Variants in LRMDA observed in about 807,000 individuals in gnomAD.
LRMDA encodes leucine rich melanocyte differentiation associated.
Under a neutral mutation model 29.8 loss-of-function variants are expected in LRMDA, and 18 were observed. The observed-to-expected ratio is 0.60, with a 90% confidence interval of 0.42 to 0.90. The LOEUF (loss-of-function observed/expected upper bound fraction) is 0.90. Ranked by LOEUF, LRMDA falls within the 40% of genes least tolerant of loss-of-function variation. The pLI, the probability that LRMDA is intolerant of heterozygous loss-of-function variation, is 0.00. For missense variants in LRMDA, 273 were observed against 273.9 expected (o/e 1.00, Z 0.02); for synonymous variants, 125 against 109.4 (o/e 1.14, Z -0.89).
chr10:76,313,289 C>T (rs956473967), intron 5 of LRMDA, among the ~76,000 whole-genome samples: 2 of 152,082 alleles, frequency 1.3e-5, no homozygotes, highest in Non-Finnish European at 2.9e-5. Flanking sequence ...ACGCAGTTCT[C>T]GACACAAAGT....
intron 5 of LRMDA, among the ~76,000 whole-genome samples, chr10:76,257,974 G>C (rs889784988): frequency 6.6e-6 from 1 of 152,176 alleles, no homozygotes; most frequent in African/African-American, 2.4e-5. Flanking sequence ...TCCCTTAACA[G>C]GAGAAGGAAA....
intron 2 of LRMDA, among the ~76,000 whole-genome samples, chr10:75,795,239 C>T (rs1298823994): frequency 6.6e-6 from 1 of 151,930 alleles, no homozygotes; most frequent in African/African-American, 2.4e-5. Flanking sequence ...ACTAAAAATA[C>T]AAAAATTAGC....
intron 2 of LRMDA, among the ~76,000 whole-genome samples, chr10:75,598,197 C>CTTTT (rs1443642284): frequency 7.9e-5 from 12 of 152,124 alleles, no homozygotes; most frequent in Non-Finnish European, 1.8e-4. Flanking sequence ...TTAGCAGCAT[C>CTTTT]CTGTTCATGT....
At chr10:76,512,263 A>G (rs1266712482) in intron 6 of LRMDA, among the ~76,000 whole-genome samples, 1 of 152,166 alleles carries the variant, frequency 6.6e-6, no homozygotes, top group East Asian at 1.9e-4. Flanking sequence ...TTTTCTTCCC[A>G]GTATCGGGTA....
chr10:76,006,212 C>A (rs758395450), intron 2 of LRMDA, among the ~76,000 whole-genome samples: 10 of 152,118 alleles, frequency 6.6e-5, no homozygotes, highest in African/African-American at 2.4e-4. Flanking sequence ...TAATATAGGG[C>A]AGGTTATGGT....
intron 6 of LRMDA, among the ~76,000 whole-genome samples, chr10:76,398,757 T>C (rs1487599936): frequency 6.6e-6 from 1 of 152,226 alleles, no homozygotes; most frequent in Non-Finnish European, 1.5e-5. Flanking sequence ...AGATAACAAC[T>C]GGGAAGCCAG....
intron 5 of LRMDA, among the ~76,000 whole-genome samples, chr10:76,276,306 A>AT (rs112066155): frequency 2.3e-4 from 34 of 147,152 alleles, no homozygotes; most frequent in South Asian, 8.7e-4. Context: ...TGTCCAGCTA[A>AT]TTTTTTTTTT....
chr10:76,363,551 A>G (rs1841355295), intron 6 of LRMDA, among the ~76,000 whole-genome samples: 1 of 152,126 alleles, frequency 6.6e-6, no homozygotes, highest in African/African-American at 2.4e-5. Flanking sequence ...GTTTAACTGG[A>G]GCATAGGATG....
At chr10:75,718,067 T>A (rs918479825) in intron 2 of LRMDA, among the ~76,000 whole-genome samples, 1 of 152,256 alleles carries the variant, frequency 6.6e-6, no homozygotes, top group Non-Finnish European at 1.5e-5. Flanking sequence ...CCTGTATAAA[T>A]GGATACTGAT....
chr10:75,984,022 C>T (rs141717313), intron 2 of LRMDA, among the ~76,000 whole-genome samples: 1,801 of 152,198 alleles, frequency 0.012, 31 homozygotes, highest in African/African-American at 0.041. Flanking sequence ...TGCAGGGAGC[C>T]GGCCAGGCAG....
At chr10:76,106,597 A>G (rs1195055689) in intron 5 of LRMDA, among the ~76,000 whole-genome samples, 1 of 152,150 alleles carries the variant, frequency 6.6e-6, no homozygotes, top group Non-Finnish European at 1.5e-5. Flanking sequence ...TGTATACCTG[A>G]CAGGGGTTAT....
At chr10:76,445,752 A>T (rs2132295500) in intron 6 of LRMDA, among the ~76,000 whole-genome samples, 1 of 152,342 alleles carries the variant, frequency 6.6e-6, no homozygotes, top group South Asian at 2.1e-4. Context: ...CCAAAAAAAT[A>T]GACTAGTGAC....
At chr10:76,321,060 A>G (rs1840764799) in intron 5 of LRMDA, among the ~76,000 whole-genome samples, 2 of 152,226 alleles carry the variant, frequency 1.3e-5, no homozygotes, top group Admixed American at 1.3e-4. Context: ...TCTTACTGAT[A>G]TACAACATTA....
intron 2 of LRMDA, among the ~76,000 whole-genome samples, chr10:75,822,098 A>G (rs1373957568): frequency 6.6e-6 from 1 of 152,184 alleles, no homozygotes; most frequent in Non-Finnish European, 1.5e-5. Flanking sequence ...CCTCCTAGAA[A>G]AGACTCCTAG....
At chr10:75,619,190 A>T (rs1841149166) in intron 2 of LRMDA, among the ~76,000 whole-genome samples, 1 of 152,080 alleles carries the variant, frequency 6.6e-6, no homozygotes, top group Admixed American at 6.5e-5. Flanking sequence ...AAGGAGGAGG[A>T]AGAGGAGGTC....
At chr10:75,682,485 A>G (rs1465572910) in intron 2 of LRMDA, among the ~76,000 whole-genome samples, 3 of 151,988 alleles carry the variant, frequency 2.0e-5, no homozygotes, top group Non-Finnish European at 2.9e-5. Flanking sequence ...ACCAATATAT[A>G]CACATATCTG....
chr10:75,659,718 A>G (rs1018113296), intron 2 of LRMDA, among the ~76,000 whole-genome samples: 1 of 152,224 alleles, frequency 6.6e-6, no homozygotes, highest in Non-Finnish European at 1.5e-5. Context: ...GATCTAATAT[A>G]CAGCATGGTG....
chr10:75,616,968 A>C (rs186930414), intron 2 of LRMDA, among the ~76,000 whole-genome samples: 2 of 152,336 alleles, frequency 1.3e-5, no homozygotes, highest in East Asian at 3.9e-4. Flanking sequence ...GTAGACTATC[A>C]TAAAGACAAA....
intron 2 of LRMDA, among the ~76,000 whole-genome samples, chr10:75,579,762 T>G (rs1840561466): frequency 6.6e-6 from 1 of 152,202 alleles, no homozygotes; most frequent in South Asian, 2.1e-4. Flanking sequence ...CAAGGCTAGT[T>G]CAACATACGT....
Sources: allele counts gnomAD v4.1 joint callset (sites outside exome capture counted in the v4.1 genomes callset), GRCh38; gene constraint gnomAD v4.1.1; transcripts MANE v1.5; gene names NCBI Gene and HGNC (gene_info 2026-07-23, HGNC 2026-07-21).